TRIM69: variants seen among roughly 807,000 people sequenced by gnomAD.
TRIM69 encodes the protein E3 ubiquitin-protein ligase TRIM69.
Under a neutral mutation model 37.7 loss-of-function variants are expected in TRIM69, and 29 were observed. The ratio of observed to expected loss-of-function variants is 0.77; its 90% CI spans 0.57 to 1.05. The LOEUF (loss-of-function observed/expected upper bound fraction) is 1.05, where lower values mean the gene tolerates loss of function less well. TRIM69 is among the 50% of genes least tolerant of loss of function. The pLI, the probability that TRIM69 is intolerant of heterozygous loss-of-function variation, is 0.00. For missense variants in TRIM69, 596 were observed against 579.9 expected (o/e 1.03, Z -0.28); for synonymous variants, 209 against 212.4 (o/e 0.98, Z 0.14).
chr15:44,765,808 A>G (rs1380526798), intron 6 of TRIM69, among the ~76,000 whole-genome samples: 1 of 152,060 alleles, frequency 6.6e-6, no homozygotes, highest in Non-Finnish European at 1.5e-5. Flanking sequence ...AGAGAGAGAA[A>G]CTAGATTGAT....
In TRIM69 at chr15:44,758,677, G is replaced by A. The variant is rs764945028; in HGVS notation, c.636G>A (p.Gln212=). ...HVSMEFLKLH[Q]FLHSKEKDIL... ...CCATGGAGTTTCTAAAGCTGCATCA[G>A]TTCCTGCACAGCAAAGAAAAGGACA... is the stretch of plus-strand genomic sequence containing the variant. The change falls in exon 4 of 7, where the codon CAG becomes CAA. Residue 212 remains glutamine (Q), a synonymous_variant. Transcript: ENST00000329464. 7 of 1,614,052 alleles carry A rather than the reference G, an allele frequency of 4.3e-6. No homozygotes were observed. The highest frequency in any genetic ancestry group is 5.9e-6 in the Non-Finnish European group (7 of 1,180,028).
intron 1 of TRIM69, among the ~76,000 whole-genome samples, chr15:44,741,374 G>A (rs1415778344): frequency 0.01 from 1,581 of 151,508 alleles, 28 homozygotes; most frequent in African/African-American, 0.037. Context: ...GGAAAGATCC[G>A]AAATTGACAC....
chr15:44,753,837 C>T (rs1365789273), intron 1 of TRIM69: 1 of 152,128 alleles, frequency 6.6e-6, no homozygotes, highest in Non-Finnish European at 1.5e-5. Context: ...GTCTCAACCT[C>T]CCAAGTAGCA....
Position 44,761,076 on chromosome 15 carries a change from C to A in TRIM69, c.961+1204C>A, listed in dbSNP as rs1050373121. 5.9e-5 allele frequency among the ~76,000 whole-genome samples: 9 copies of A among 152,168 alleles called. No homozygotes were observed. In the East Asian group the frequency reaches 1.2e-3, roughly 20 times the overall value. On this transcript the variant is annotated intron_variant, in intron 6 of 6. Coordinates refer to ENST00000329464, the MANE Select transcript of TRIM69 (RefSeq NM_182985.5). ...GGGACTACAGGCGCCTGCCACCATG[C>A]CCGGCTAATTTTTTTATATTTTCAG... is the stretch of plus-strand genomic sequence containing the variant.
Position 44,765,757 on chromosome 15 carries a change from A to C in TRIM69, c.962-1474A>C, listed in dbSNP as rs369976184. Among the ~76,000 whole-genome samples, 1,055 of 146,620 alleles carry C rather than the reference A, an allele frequency of 7.2e-3. 13 individuals carry two copies. Among genetic ancestry groups the C allele is most frequent in the African/African-American group, 0.02 (790 of 39,014 alleles). On this transcript the variant is annotated intron_variant, in intron 6 of 6. Transcript: ENST00000329464. ...GGACAGAGCAAGAATCTATCTCAAA[A>C]AAAACAAAACAAAACAAACAAACAA... is the stretch of plus-strand genomic sequence containing the variant.
At chr15:44,761,701 G>A (rs1596035310) in intron 6 of TRIM69, among the ~76,000 whole-genome samples, 1 of 152,326 alleles carries the variant, frequency 6.6e-6, no homozygotes, top group East Asian at 1.9e-4. Context: ...CTGGCCTTAA[G>A]TGATCCATCC....
At chr15:44,761,560 G>T (rs565726939) in intron 6 of TRIM69, among the ~76,000 whole-genome samples, 19 of 152,266 alleles carry the variant, frequency 1.2e-4, no homozygotes, top group African/African-American at 4.6e-4. Flanking sequence ...TGCCTCCGAA[G>T]CTCAAGTGAT....
chr15:44,767,688 G>A lies in TRIM69; in HGVS notation c.1419G>A (p.Met473Ile). ...TTTACACCTTCAGTAACACTTTCAT[G>A]GAGAAACTTTATCCCTACTTCTGCC... The part of the protein sequence containing the change: ...THIYTFSNTF[M>I]EKLYPYFCPC... Residue 473 changes from methionine to isoleucine, a missense_variant, in exon 7 of 7, where the codon ATG (methionine) becomes ATA (isoleucine). Transcript: ENST00000329464. The A allele has an allele frequency of 6.2e-7, 1 of 1,614,114 alleles. No homozygotes were observed. The highest frequency in any genetic ancestry group is 1.3e-5 in the African/African-American group (1 of 75,024).
intron 6 of TRIM69, among the ~76,000 whole-genome samples, chr15:44,764,098 G>A (rs2087838732): frequency 6.6e-6 from 1 of 152,146 alleles, no homozygotes; most frequent in Non-Finnish European, 1.5e-5. Context: ...ATGTTTGTAA[G>A]TTTCTGTGAA....
intron 6 of TRIM69, among the ~76,000 whole-genome samples, chr15:44,760,125 T>C (rs2087745647): frequency 6.6e-6 from 1 of 152,254 alleles, no homozygotes; most frequent in Non-Finnish European, 1.5e-5. Context: ...GACTGATTTA[T>C]GAAATGTGGC....
chr15:44,738,119 C>T (rs529808012), intron 1 of TRIM69, among the ~76,000 whole-genome samples: 25 of 148,648 alleles, frequency 1.7e-4, no homozygotes, highest in Non-Finnish European at 2.4e-4. Context: ...AGTGCAGTGG[C>T]ACCATCTCAG....
intron 3 of TRIM69, chr15:44,758,365 G>C (rs1596031678): frequency 1.8e-6 from 1 of 563,476 alleles, no homozygotes; most frequent in East Asian, 3.0e-5. Flanking sequence ...TATGGCATTG[G>C]TTACCATCTC....
At chr15:44,741,973 C>G (rs1284694120) in intron 1 of TRIM69, among the ~76,000 whole-genome samples, 1 of 152,138 alleles carries the variant, frequency 6.6e-6, no homozygotes, top group African/African-American at 2.4e-5. Context: ...TTTATGAGGC[C>G]AGCATTATCC....
chr15:44,762,212 C>G (rs56245413), intron 6 of TRIM69, among the ~76,000 whole-genome samples: 1,824 of 152,164 alleles, frequency 0.012, 40 homozygotes, highest in African/African-American at 0.042. Flanking sequence ...GTGATCTGCC[C>G]GCCTCGGCCT....
intron 1 of TRIM69, among the ~76,000 whole-genome samples, chr15:44,750,135 G>T (rs1370139859): frequency 1.3e-5 from 2 of 152,094 alleles, no homozygotes; most frequent in Non-Finnish European, 2.9e-5. Flanking sequence ...ACCTTATCTG[G>T]TATAGGATTT....
Position 44,756,439 on chromosome 15 carries a change from GAA to G in TRIM69, c.556_557del (p.Lys186GlyfsTer38). 2 of 1,551,304 alleles carry G rather than the reference GAA, an allele frequency of 1.3e-6. No individual in the cohort carries two copies. ...KELQTLRNMQ[K>X]EAIAAHKENK... The stretch of plus-strand genomic sequence containing the variant: ...AGCTTCAGACCCTGAGGAACATGCA[GAA>G]GGAAGCTATTGCTGCTCACAAGGTG... On this transcript the variant is annotated frameshift_variant, in exon 3 of 7. Coordinates refer to ENST00000329464, the MANE Select transcript of TRIM69 (RefSeq NM_182985.5). LOFTEE classifies it high-confidence loss of function.
At chr15:44,739,031 T>A (rs960396292) in intron 1 of TRIM69, among the ~76,000 whole-genome samples, 1 of 152,248 alleles carries the variant, frequency 6.6e-6, no homozygotes, top group Non-Finnish European at 1.5e-5. Flanking sequence ...AAATATATTT[T>A]CATATCATAT....
intron 1 of TRIM69, among the ~76,000 whole-genome samples, chr15:44,739,943 AC>A (rs560971124): frequency 0.054 from 8,146 of 151,440 alleles, 232 homozygotes; most frequent in Non-Finnish European, 0.061. Flanking sequence ...TGGGTCCCTG[AC>A]CCCTGACCCC....
chr15:44,757,621 A>G (rs2087678634), intron 3 of TRIM69: 2 of 152,310 alleles, frequency 1.3e-5, no homozygotes, highest in Admixed American at 6.5e-5. Flanking sequence ...TGAGGTGGAT[A>G]TGGGCTCACT....
Sources: gnomAD v4.1 joint callset for allele counts (sites outside exome capture counted in the v4.1 genomes callset) on GRCh38, gnomAD v4.1.1 for gene constraint, MANE v1.5 for transcripts, NCBI Gene and HGNC (gene_info 2026-07-23, HGNC 2026-07-21) for gene names.